The following BCORL1 variants were observed in gnomAD, a reference collection of about 807,000 sequenced individuals.
The protein encoded by BCORL1 is BCL6 corepressor like 1.
A neutral mutation model predicts 87.6 loss-of-function variants in BCORL1; 7 were observed. That is an observed-to-expected ratio of 0.08 (90% CI 0.05 to 0.15). BCORL1 has a LOEUF of 0.15. BCORL1 is among the 10% of genes least tolerant of loss of function. The pLI is 1.00. For synonymous variants in BCORL1, 591 were observed against 634.4 expected (o/e 0.93, Z 1.03); for missense variants, 1,215 against 1,499.7 (o/e 0.81, Z 3.13).
chrX:130,045,666 G>A (rs980303299), intron 11 of BCORL1, among the ~76,000 whole-genome samples: 5 of 111,181 alleles, frequency 4.5e-5, no homozygotes, highest in African/African-American at 1.6e-4. Context: ...TACCTAGGCT[G>A]AAGTGCAGTG....
At chrX:130,054,328 T>A (rs1043678144) in intron 13 of BCORL1, among the ~76,000 whole-genome samples, 1 of 111,475 alleles carries the variant, frequency 9.0e-6, no homozygotes, top group Non-Finnish European at 1.9e-5. Context: ...ACAATAGGGA[T>A]GTGAATCAAA....
At chrX:129,993,501 C>T (rs1927336033) in intron 1 of BCORL1, among the ~76,000 whole-genome samples, 1 of 111,487 alleles carries the variant, frequency 9.0e-6, no homozygotes, top group African/African-American at 3.3e-5. Context: ...GCCTAGGCAA[C>T]ATAGGGAGAC....
intron 7 of BCORL1, 38 bp downstream of exon 7, chrX:130,025,417 G>A (rs181576827): frequency 1.8e-5 from 20 of 1,113,575 alleles, no homozygotes; most frequent in South Asian, 1.4e-4. Flanking sequence ...GCCGCGGCCC[G>A]TTTGGCTTCT....
chrX:130,033,290 C>T (rs773340688), intron 8 of BCORL1, among the ~76,000 whole-genome samples: 1 of 110,800 alleles, frequency 9.0e-6, no homozygotes, highest in South Asian at 3.8e-4. Context: ...ACTGTGTTGG[C>T]CAGGCTGGTC....
chrX:130,030,971 C>T (rs756459193), intron 8 of BCORL1, among the ~76,000 whole-genome samples: 2 of 105,218 alleles, frequency 1.9e-5, no homozygotes, highest in African/African-American at 3.4e-5. Context: ...TGGGGGAGGG[C>T]GGGGAACGCT....
chrX:130,028,526 G>A lies in BCORL1; in HGVS notation c.4079-109G>A, dbSNP rs1930378934. 9.7e-6 allele frequency: 6 copies of A among 618,701 alleles called. No homozygotes were observed. The East Asian group carries it at 1.9e-4, about 20-fold the overall frequency. 51.0% of individuals were successfully genotyped at this position (618,701 alleles called of 1,213,427 possible). On this transcript the variant is annotated intron_variant, in intron 7 of 13. Transcript: ENST00000540052. Reference sequence around the variant, plus strand: ...CGATAGCTGATAGTTATACAACTTTGCACTGCAGTTCTAATCCCCAAAGTC... The same window carrying A: ...CGATAGCTGATAGTTATACAACTTTACACTGCAGTTCTAATCCCCAAAGTC...
intron 10 of BCORL1, among the ~76,000 whole-genome samples, chrX:130,038,692 G>C (rs773209084): frequency 6.3e-5 from 7 of 111,403 alleles, no homozygotes; most frequent in Admixed American, 9.6e-5. Context: ...ATGTTGGCCA[G>C]GCTGGTCTCA....
intron 10 of BCORL1, among the ~76,000 whole-genome samples, chrX:130,038,409 C>T (rs1051391616): frequency 2.6e-4 from 29 of 110,492 alleles, no homozygotes; most frequent in Non-Finnish European, 4.2e-4. Context: ...AGCCCTTCTG[C>T]TCATCTCTGC....
intron 2 of BCORL1, among the ~76,000 whole-genome samples, chrX:130,008,264 A>AT (rs372463348): frequency 0.061 from 5,705 of 94,168 alleles, 322 homozygotes; most frequent in African/African-American, 0.16. Flanking sequence ...TTAAGAGGAC[A>AT]TTTTTTTTTT....
intron 1 of BCORL1, among the ~76,000 whole-genome samples, chrX:129,999,685 C>T (rs917633149): frequency 9.0e-4 from 83 of 91,968 alleles, no homozygotes; most frequent in South Asian, 7.6e-3. Context: ...AATTCTTTTT[C>T]CCCCCCCCCA....
chrX:129,985,959 C>T (rs1164958973), intron 1 of BCORL1, among the ~76,000 whole-genome samples: 1 of 110,878 alleles, frequency 9.0e-6, no homozygotes, highest in Non-Finnish European at 1.9e-5. Context: ...CGGTGATTCT[C>T]CTGCCTTACC....
rs1569395697 is a variant in BCORL1 at position 130,055,973 on chromosome X, G to A, written c.5195G>A (p.Arg1732Lys). 2 of 1,212,227 alleles carry A rather than the reference G, an allele frequency of 1.6e-6. No homozygotes were observed. The highest frequency in any genetic ancestry group is 5.9e-5 in the East Asian group (2 of 33,847). ...ACCATGCCCAAGGCCGAGTTCTACA[G>A]GCAGGTGGCCTCCAGTCAGCTGCTG... The part of the protein sequence containing the change: ...ITTMPKAEFY[R>K]QVASSQLLTP... Residue 1732 changes from arginine to lysine, a missense_variant, in exon 14 of 14, where the codon AGG (arginine) becomes AAG (lysine). By Grantham distance (26) the Arg-to-Lys change is conservative (BLOSUM62 2). Coordinates refer to ENST00000540052, the MANE Select transcript of BCORL1 (RefSeq NM_001379451.1).
rs1253782735 is a variant in BCORL1, at chrX:130,012,991, G to A, written c.219G>A (p.Gly73=). 2 of 1,204,629 alleles carry A rather than the reference G, an allele frequency of 1.7e-6. No individual in the cohort carries two copies. The highest frequency in any genetic ancestry group is 1.8e-5 in the South Asian group (1 of 56,401). The change falls in exon 4 of 14, where the codon GGG becomes GGA. Residue 73 remains glycine (G), a synonymous_variant. Coordinates refer to ENST00000540052, the MANE Select transcript of BCORL1 (RefSeq NM_001379451.1). ...TAVGSGSNAR[G]ADPDGSATEK... ...TTGGAAGTGGCAGCAATGCCCGGGG[G>A]GCAGACCCAGATGGCAGTGCTACAG...
At chrX:130,033,085 T>TA (rs1491572531) in intron 8 of BCORL1, among the ~76,000 whole-genome samples, 2 of 90,490 alleles carry the variant, frequency 2.2e-5, no homozygotes, top group African/African-American at 9.4e-5. Context: ...TTCTTCTCTC[T>TA]TTTTTTTTTT....
intron 7 of BCORL1, among the ~76,000 whole-genome samples, chrX:130,027,150 G>GC (rs768563116): frequency 8.8e-6 from 1 of 113,026 alleles, no homozygotes; most frequent in South Asian, 3.6e-4. Context: ...TAAACAAGGT[G>GC]GGGGGCTGTT....
rs1028073140 is a variant in BCORL1, at chrX:130,057,992, T to C, written c.*1856T>C. On this transcript the variant is annotated 3_prime_UTR_variant, in exon 14 of 14. Coordinates refer to ENST00000540052, the MANE Select transcript of BCORL1 (RefSeq NM_001379451.1). The stretch of plus-strand genomic sequence containing the variant: ...TGTTTGCCTTTCCTTTTTTCGCATT[T>C]GGGTGTATATTCTGGCTGCCCTTTA... 9.0e-6 allele frequency: 1 copy of C among 111,151 alleles called. No homozygotes were observed. Among genetic ancestry groups the C allele is most frequent in the Non-Finnish European group, 1.9e-5 (1 of 53,071 alleles). 9.2% of individuals were successfully genotyped at this position (111,151 alleles called of 1,213,427 possible).
At chrX:130,029,647 T>C (rs761768697) in intron 8 of BCORL1, among the ~76,000 whole-genome samples, 1,123 of 108,044 alleles carry the variant, frequency 0.01, 20 homozygotes, top group African/African-American at 0.035. Flanking sequence ...TTATTTTTTT[T>C]TTTCTCTCTC....
chrX:130,033,174 C>T (rs1484310726), intron 8 of BCORL1, among the ~76,000 whole-genome samples: 1 of 109,374 alleles, frequency 9.1e-6, no homozygotes, highest in Non-Finnish European at 1.9e-5. Flanking sequence ...CTCCCCCTCC[C>T]GGGCTCAAGT....
intron 1 of BCORL1, among the ~76,000 whole-genome samples, chrX:129,986,690 G>A (rs1159938362): frequency 2.7e-5 from 3 of 111,130 alleles, no homozygotes; most frequent in Non-Finnish European, 5.7e-5. Flanking sequence ...GTGGTGGGGC[G>A]TGCCTGTAAT....
Sources: gnomAD v4.1 joint callset for allele counts (sites outside exome capture counted in the v4.1 genomes callset) on GRCh38, gnomAD v4.1.1 for gene constraint, MANE v1.5 for transcripts, NCBI Gene and HGNC (gene_info 2026-07-23, HGNC 2026-07-21) for gene names.